OIP5: variants seen among roughly 807,000 people sequenced by gnomAD.
OIP5 encodes Opa interacting protein 5.
Under a neutral mutation model 20.3 loss-of-function variants are expected in OIP5, and 24 were observed. The observed-to-expected ratio is 1.18, with a 90% CI of 0.86 to 1.66. The LOEUF (loss-of-function observed/expected upper bound fraction) is 1.66, where lower values mean the gene tolerates loss of function less well. Ranked by LOEUF, OIP5 falls within the 40% of genes most tolerant of loss-of-function variation. The pLI, the probability that OIP5 is intolerant of heterozygous loss-of-function variation, is 0.00. For missense variants in OIP5, 339 were observed against 289.5 expected, an observed-to-expected ratio of 1.17 and a Z score of -1.24; for synonymous variants, 143 against 121.3, an observed-to-expected ratio of 1.18 and a Z score of -1.17.
chr15:41,328,638 A>T (rs979296815), intron 2 of OIP5, among the ~76,000 whole-genome samples: 14 of 152,220 alleles, frequency 9.2e-5, no homozygotes, highest in African/African-American at 3.4e-4. Flanking sequence ...TGTCTACTTT[A>T]TGACTTTGAA....
At chr15:41,311,157 C>T (rs1375707553) in intron 4 of OIP5, among the ~76,000 whole-genome samples, 4 of 152,108 alleles carry the variant, frequency 2.6e-5, no homozygotes, top group African/African-American at 9.7e-5. Flanking sequence ...CACCTGAGCT[C>T]GGAAGTTCGA....
At chr15:41,316,527 T>C (rs549012642) in intron 3 of OIP5, among the ~76,000 whole-genome samples, 16 of 152,042 alleles carry the variant, frequency 1.1e-4, no homozygotes, top group Admixed American at 2.6e-4. Flanking sequence ...CGGTGGCTCA[T>C]GCCTGTAATC....
Position 41,313,369 on chromosome 15 carries a change from A to C in OIP5, c.513-15T>G. The C allele has an allele frequency of 7.2e-7, 1 of 1,381,148 alleles. No homozygotes were observed. The allele number at this position is 1,381,148 out of a possible 1,614,324, so 85.6% of individuals were successfully genotyped here. On this transcript the variant is annotated splice_polypyrimidine_tract_variant and intron_variant, in intron 3 of 4. Transcript: ENST00000220514. The stretch of plus-strand genomic sequence containing the variant: ...TTAAGAGATAGCTAGATAGGAAAAA[A>C]GAAAAATATTAGTGTCATACCATGG...
At position 41,319,793 on chromosome 15, in the gene OIP5, A is replaced by G. The variant is rs1157366403; in HGVS notation, c.390-13T>C. On this transcript the variant is annotated splice_polypyrimidine_tract_variant and intron_variant, in intron 2 of 4. Coordinates refer to ENST00000220514, the MANE Select transcript of OIP5 (RefSeq NM_007280.2). ...AAGGTTGTAAGTACTAGGGGTGGGG[A>G]AAAACACAATATGGGTAAGAATAAA... The G allele has an allele frequency of 6.3e-7, 1 of 1,595,334 alleles. No homozygotes were observed. Among genetic ancestry groups the G allele is most frequent in the South Asian group, 1.1e-5 (1 of 87,422 alleles).
At chr15:41,317,118 C>G (rs931187605) in intron 3 of OIP5, among the ~76,000 whole-genome samples, 3 of 151,968 alleles carry the variant, frequency 2.0e-5, no homozygotes, top group Non-Finnish European at 4.4e-5. Flanking sequence ...GAAAGGATAA[C>G]CAGTAGGGTA....
intron 3 of OIP5, among the ~76,000 whole-genome samples, chr15:41,316,059 C>T (rs113463535): frequency 7.2e-5 from 11 of 151,832 alleles, no homozygotes; most frequent in Admixed American, 3.9e-4. Context: ...ACCTGGGAGG[C>T]GGAGCTTGCA....
intron 2 of OIP5, among the ~76,000 whole-genome samples, chr15:41,324,750 A>C (rs1212567480): frequency 6.6e-6 from 1 of 152,080 alleles, no homozygotes; most frequent in Non-Finnish European, 1.5e-5. Context: ...CAGTCTCCCA[A>C]AAGTGCTGGG....
intron 2 of OIP5, among the ~76,000 whole-genome samples, chr15:41,321,206 G>T (rs1202809251): frequency 4.0e-5 from 6 of 150,060 alleles, no homozygotes; most frequent in East Asian, 4.0e-4. Flanking sequence ...GAGGTGGGGG[G>T]GTCAGCCCCC....
In OIP5 at chr15:41,313,331, A is replaced by T. The variant is rs143003728; in HGVS notation, c.536T>A (p.Ile179Lys). The T allele has an allele frequency of 2.6e-5, 41 of 1,601,614 alleles. No homozygotes were observed. The African/African-American group carries it at 5.4e-4, about 21-fold the overall frequency. ...AATATCCATCTCTGATGCATTTACT[A>T]TGGCTTTTGTTTTTAAGAGATAGCT... ...MVCYLLKTKAIVNASEMDIQN... is the reference protein window; with the variant it reads ...MVCYLLKTKAKVNASEMDIQN... Residue 179 changes from isoleucine to lysine, a missense_variant, in exon 4 of 5, where the codon ATA (isoleucine) becomes AAA (lysine). By Grantham distance (102) the Ile-to-Lys change is moderately radical. Transcript: ENST00000220514.
chr15:41,315,099 CAAA>C (rs761038863), intron 3 of OIP5, among the ~76,000 whole-genome samples: 7 of 57,676 alleles, frequency 1.2e-4, no homozygotes, highest in Admixed American at 3.9e-4. Flanking sequence ...GACCCTGTCT[CAAA>C]AAAAAAAAAA....
intron 2 of OIP5, among the ~76,000 whole-genome samples, chr15:41,329,512 C>T (rs760805482): frequency 1.6e-4 from 24 of 151,730 alleles, no homozygotes; most frequent in Non-Finnish European, 3.1e-4. Flanking sequence ...GACGTGGTTT[C>T]ACCATACTGG....
At chr15:41,324,511 T>C (rs1393787260) in intron 2 of OIP5, among the ~76,000 whole-genome samples, 1 of 152,174 alleles carries the variant, frequency 6.6e-6, no homozygotes, top group Non-Finnish European at 1.5e-5. Flanking sequence ...GTTTGTTTGA[T>C]GGAGTTTCGC....
chr15:41,312,607 C>T (rs2047763564), intron 4 of OIP5, among the ~76,000 whole-genome samples: 1 of 151,220 alleles, frequency 6.6e-6, no homozygotes, highest in Non-Finnish European at 1.5e-5. Flanking sequence ...TTACAGGCGC[C>T]CACCACCATG....
At chr15:41,310,912 A>ACATGAAATTT (rs1436664418) in intron 4 of OIP5, among the ~76,000 whole-genome samples, 1 of 152,254 alleles carries the variant, frequency 6.6e-6, no homozygotes, top group Non-Finnish European at 1.5e-5. Flanking sequence ...GGTAATTTTT[A>ACATGAAATTT]AGAGTTCTTA....
chr15:41,323,801 C>A (rs1318533941), intron 2 of OIP5, among the ~76,000 whole-genome samples: 5 of 152,028 alleles, frequency 3.3e-5, no homozygotes, highest in African/African-American at 1.2e-4. Flanking sequence ...CTTCTCCTTT[C>A]TACCTATGAA....
At chr15:41,312,129 C>T (rs8042445) in intron 4 of OIP5, among the ~76,000 whole-genome samples, 2 of 119,092 alleles carry the variant, frequency 1.7e-5, no homozygotes, top group Non-Finnish European at 4.2e-5. Flanking sequence ...GCTGGGATTA[C>T]AGGCATAAGC....
At chr15:41,326,325 A>T (rs140921190) in intron 2 of OIP5, among the ~76,000 whole-genome samples, 33 of 152,304 alleles carry the variant, frequency 2.2e-4, no homozygotes, top group African/African-American at 6.0e-4. Flanking sequence ...TTTATGATTT[A>T]AAAAAATTTA....
In OIP5 at chr15:41,319,692, C is replaced by T; in HGVS notation, c.478G>A (p.Gly160Ser). Reference sequence around the variant, plus strand: ...TTGTCACTGGAAAGGCAGAAGTGACCTCTCAAGGCAGCCAGGGCAGCATGG... The same window carrying T: ...TTGTCACTGGAAAGGCAGAAGTGACTTCTCAAGGCAGCCAGGGCAGCATGG... ...STHAALAALR[G>S]HFCLSSDKMV... Residue 160 changes from glycine (G) to serine (S), a missense_variant, in exon 3 of 5, where the codon GGT (glycine) becomes AGT (serine). Gly to Ser is a moderately conservative substitution (Grantham distance 56, BLOSUM62 0). Transcript: ENST00000220514. The T allele has an allele frequency of 5.0e-6, 8 of 1,613,826 alleles. No homozygotes were observed. Among genetic ancestry groups the T allele is most frequent in the Non-Finnish European group, 6.8e-6 (8 of 1,179,832 alleles).
intron 3 of OIP5, among the ~76,000 whole-genome samples, chr15:41,315,028 C>T (rs1421692632): frequency 6.6e-6 from 1 of 150,496 alleles, no homozygotes; most frequent in African/African-American, 2.5e-5. Flanking sequence ...GGGAGGATCA[C>T]CTGAACCCAA....
Sources: gnomAD v4.1 joint callset for allele counts (sites outside exome capture counted in the v4.1 genomes callset) on GRCh38, gnomAD v4.1.1 for gene constraint, MANE v1.5 for transcripts, NCBI Gene and HGNC (gene_info 2026-07-23, HGNC 2026-07-21) for gene names.